CNBD1: variants seen among roughly 807,000 people sequenced by gnomAD.
The protein encoded by CNBD1 is cyclic nucleotide binding domain containing 1.
CNBD1 carries 71 observed loss-of-function variants against 54.4 expected under a neutral mutation model. That is an observed-to-expected ratio of 1.30 (90% CI 1.08 to 1.59). The LOEUF (loss-of-function observed/expected upper bound fraction) is 1.59, where lower values mean the gene tolerates loss of function less well. Ranked by LOEUF, CNBD1 falls within the 40% of genes most tolerant of loss-of-function variation. CNBD1 has a pLI of 0.00. For missense variants in CNBD1, 659 were observed against 518.0 expected (o/e 1.27, Z -2.64); for synonymous variants, 182 against 170.7 (o/e 1.07, Z -0.51).
At chr8:87,407,088 C>A (rs1044822146) in intron 2 of CNBD1, among the ~76,000 whole-genome samples, 7 of 151,738 alleles carry the variant, frequency 4.6e-5, no homozygotes, top group Admixed American at 1.3e-4. Flanking sequence ...TAAAATGAAC[C>A]CATCTGTTAA....
rs1385253410 is a variant in CNBD1, at chr8:87,163,212, TTCTGAGATAAGCTTTGTAACA to T, written c.432-42779_432-42759del. On this transcript the variant is annotated intron_variant, in intron 4 of 10. Coordinates refer to ENST00000518476, the MANE Select transcript of CNBD1 (RefSeq NM_173538.3). This position sits in a 1 kb window ranked among gnomAD's most constrained non-coding sequence, Gnocchi z 4.5. The stretch of plus-strand genomic sequence containing the variant: ...TATTTTGGTATTAATAACATCTCAT[TTCTGAGATAAGCTTTGTAACA>T]TAATTTGAAATCAGGAAGTGTGATG... 1.3e-5 allele frequency among the ~76,000 whole-genome samples: 2 copies of T among 152,064 alleles called. No individual in the cohort carries two copies. The highest frequency in any genetic ancestry group is 4.8e-5 in the African/African-American group (2 of 41,438).
intron 2 of CNBD1, among the ~76,000 whole-genome samples, chr8:87,410,496 G>A (rs906879783): frequency 2.0e-5 from 3 of 152,100 alleles, no homozygotes; most frequent in African/African-American, 7.2e-5. Context: ...AATGCATGAG[G>A]TGATGCTTCT....
At chr8:86,975,208 A>G (rs1563844016) in intron 4 of CNBD1, among the ~76,000 whole-genome samples, 2 of 152,072 alleles carry the variant, frequency 1.3e-5, no homozygotes, top group African/African-American at 2.4e-5. Context: ...GTAAATTAAT[A>G]TATCTGTCAT....
In CNBD1 at chr8:87,350,816, A is replaced by G. The variant is rs542479614; in HGVS notation, c.1043-869A>G. On this transcript the variant is annotated intron_variant, in intron 8 of 10. Transcript: ENST00000518476. ...TATTTTGAAATACTAATTTTAATTT[A>G]TATATTGCCAAGTATTTAAATCATG... 2.1e-3 allele frequency among the ~76,000 whole-genome samples: 323 copies of G among 151,418 alleles called. 2 individuals are homozygous for G. The highest frequency in any genetic ancestry group is 7.4e-3 in the African/African-American group (305 of 41,148).
intron 5 of CNBD1, among the ~76,000 whole-genome samples, chr8:87,210,249 C>A (rs1814067624): frequency 6.6e-6 from 1 of 152,142 alleles, no homozygotes; most frequent in African/African-American, 2.4e-5. Context: ...GTTGGAAGTT[C>A]TCTTTAAAGG....
At chr8:87,032,324 G>A (rs535782815) in intron 4 of CNBD1, among the ~76,000 whole-genome samples, 26 of 152,012 alleles carry the variant, frequency 1.7e-4, no homozygotes, top group South Asian at 4.1e-4. Flanking sequence ...ATTGTTGATC[G>A]GAAGCCTTAC....
chr8:86,965,084 T>G (rs1808035724), intron 4 of CNBD1, among the ~76,000 whole-genome samples: 1 of 152,212 alleles, frequency 6.6e-6, no homozygotes, highest in South Asian at 2.1e-4. Context: ...TACTTTTCTT[T>G]GTCTGTGCTA....
chr8:87,278,370 A>C (rs1056539207), intron 6 of CNBD1, among the ~76,000 whole-genome samples: 1 of 151,592 alleles, frequency 6.6e-6, no homozygotes, highest in Non-Finnish European at 1.5e-5. Flanking sequence ...AAACAACCAC[A>C]ACTAGACACA....
intron 3 of CNBD1, among the ~76,000 whole-genome samples, chr8:86,933,474 G>C (rs999427834): frequency 6.6e-6 from 1 of 152,046 alleles, no homozygotes; most frequent in African/African-American, 2.4e-5. Flanking sequence ...AGAAAAGCAA[G>C]TTACAGAATC....
intron 6 of CNBD1, among the ~76,000 whole-genome samples, chr8:87,265,227 A>G (rs979028065): frequency 6.6e-5 from 10 of 152,096 alleles, no homozygotes; most frequent in East Asian, 1.9e-4. Context: ...ATGGCTAGCC[A>G]GTTTTCCCAG....
chr8:87,247,355 G>C lies in CNBD1; in HGVS notation c.771+10243G>C, dbSNP rs186948873. 2.2e-4 allele frequency among the ~76,000 whole-genome samples: 34 copies of C among 152,240 alleles called. No homozygotes were observed. The East Asian group carries it at 4.5e-3, about 20-fold the overall frequency. ...TTTGAAAGCTGAGAGAGGTGATCACGCACCAGCTCTGAGTAAGACGGCCCT... is the reference window on the plus strand; with the variant it reads ...TTTGAAAGCTGAGAGAGGTGATCACCCACCAGCTCTGAGTAAGACGGCCCT... On this transcript the variant is annotated intron_variant, in intron 6 of 10. Transcript: ENST00000518476.
At chr8:87,107,295 G>C (rs1300227482) in intron 4 of CNBD1, among the ~76,000 whole-genome samples, 1 of 152,130 alleles carries the variant, frequency 6.6e-6, no homozygotes, top group East Asian at 1.9e-4. Context: ...CACCTCTCCT[G>C]TTTCCTTCCA....
chr8:86,980,116 T>C (rs890225588), intron 4 of CNBD1, among the ~76,000 whole-genome samples: 6 of 152,188 alleles, frequency 3.9e-5, no homozygotes, highest in Non-Finnish European at 7.4e-5. Context: ...GCTTGAAGTT[T>C]TAGGATTCAT....
chr8:87,378,241 T>G (rs1404233004), intron 10 of CNBD1, among the ~76,000 whole-genome samples: 1 of 143,160 alleles, frequency 7.0e-6, no homozygotes, highest in East Asian at 2.0e-4. Flanking sequence ...GCCTATGTCC[T>G]GAATGGTAAT....
At chr8:86,988,661 A>T (rs1001950763) in intron 4 of CNBD1, among the ~76,000 whole-genome samples, 3 of 152,080 alleles carry the variant, frequency 2.0e-5, no homozygotes, top group Non-Finnish European at 4.4e-5. Flanking sequence ...GTATCCTTTA[A>T]CCATCCCACA....
At chr8:87,364,550 C>G (rs1274782056) in intron 10 of CNBD1, among the ~76,000 whole-genome samples, 1 of 151,786 alleles carries the variant, frequency 6.6e-6, no homozygotes, top group Non-Finnish European at 1.5e-5. Flanking sequence ...TAGGTAAACT[C>G]ATGACTCAGT....
At chr8:87,212,145 G>C (rs985190956) in intron 5 of CNBD1, among the ~76,000 whole-genome samples, 1 of 151,962 alleles carries the variant, frequency 6.6e-6, no homozygotes, top group Non-Finnish European at 1.5e-5. Flanking sequence ...AATATAACCT[G>C]CTTAGGAATA....
intron 4 of CNBD1, among the ~76,000 whole-genome samples, chr8:87,150,806 GTCTT>G (rs1348667181): frequency 1.3e-5 from 2 of 152,122 alleles, no homozygotes; most frequent in Admixed American, 1.3e-4. Flanking sequence ...TAGGGGCTGT[GTCTT>G]TCTTGATGAT....
Position 87,237,122 on chromosome 8 carries a change from G to A in CNBD1, c.771+10G>A, listed in dbSNP as rs1426747379. Reference sequence around the variant, plus strand: ...TTCATATGACTCAATGGTAAGAGATGAGTATTTGCTTTTTCCACAAGCAAC... The same window carrying A: ...TTCATATGACTCAATGGTAAGAGATAAGTATTTGCTTTTTCCACAAGCAAC... On this transcript the variant is annotated intron_variant, in intron 6 of 10. Coordinates refer to ENST00000518476, the MANE Select transcript of CNBD1 (RefSeq NM_173538.3). 6.4e-7 allele frequency: 1 copy of A among 1,562,758 alleles called. No individual in the cohort carries two copies. Among genetic ancestry groups the A allele is most frequent in the Non-Finnish European group, 8.7e-7 (1 of 1,147,368 alleles).
Sources: gnomAD v4.1 joint callset for allele counts (sites outside exome capture counted in the v4.1 genomes callset) on GRCh38, gnomAD v4.1.1 for gene constraint, Gnocchi (gnomAD v3.1) non-coding constraint, MANE v1.5 for transcripts, NCBI Gene and HGNC (gene_info 2026-07-23, HGNC 2026-07-21) for gene names.